CHDH: variants seen among roughly 807,000 people sequenced by gnomAD.
CHDH encodes the protein choline dehydrogenase, mitochondrial.
Under a neutral mutation model 56.9 loss-of-function variants are expected in CHDH, and 43 were observed. The ratio of observed to expected loss-of-function variants is 0.76; its 90% CI spans 0.59 to 0.97. CHDH has a LOEUF of 0.97. Ranked by LOEUF, CHDH falls within the 50% of genes least tolerant of loss-of-function variation. The pLI, the probability that CHDH is intolerant of heterozygous loss-of-function variation, is 0.00. For missense variants in CHDH, 816 were observed against 821.1 expected, an observed-to-expected ratio of 0.99 and a Z score of 0.08; for synonymous variants, 364 against 348.5, an observed-to-expected ratio of 1.04 and a Z score of -0.50.
In CHDH at chr3:53,822,636, C is replaced by A. The variant is rs763203785; in HGVS notation, c.710G>T (p.Arg237Leu). Reference sequence around the variant, plus strand: ...CAGGTAGGCACAGGCCGCGCTCCACCGTTTGCCTGCAGGATGGAGTGAGGT... The same window carrying A: ...CAGGTAGGCACAGGCCGCGCTCCACAGTTTGCCTGCAGGATGGAGTGAGGT... ...WMDMTIHEGK[R>L]WSAACAYLHP... Residue 237 changes from arginine to leucine, a missense_variant, in exon 4 of 9, where the codon CGG becomes CTG. Transcript: ENST00000315251. The A allele has an allele frequency of 6.2e-7, 1 of 1,607,592 alleles. No homozygotes were observed. The highest frequency in any genetic ancestry group is 1.1e-5 in the South Asian group (1 of 91,042).
intron 1 of CHDH, chr3:53,844,782 C>T (rs1698801096): frequency 6.6e-6 from 1 of 152,318 alleles, no homozygotes; most frequent in Non-Finnish European, 1.5e-5. Flanking sequence ...CTATTTTGCC[C>T]TGCAGAGCCA....
chr3:53,820,019 T>C (rs2095623199), intron 6 of CHDH, among the ~76,000 whole-genome samples: 2 of 152,320 alleles, frequency 1.3e-5, no homozygotes, highest in East Asian at 3.9e-4. Flanking sequence ...ACTGAGTGGA[T>C]GGGTAGGATT....
intron 1 of CHDH, among the ~76,000 whole-genome samples, chr3:53,843,188 C>CCCCTT (rs578127745): frequency 8.0e-6 from 1 of 125,186 alleles, no homozygotes; most frequent in Non-Finnish European, 1.6e-5. Flanking sequence ...CCCCCCCCAC[C>CCCCTT]TTTTTTTTTT....
intron 5 of CHDH, 150 bp from the exon 6 acceptor site, chr3:53,820,758 TC>T: frequency 9.9e-7 from 1 of 1,007,976 alleles, no homozygotes; most frequent in Non-Finnish European, 1.4e-6. Context: ...AAAGGCTGCC[TC>T]CCAGAGACAC....
intron 1 of CHDH, among the ~76,000 whole-genome samples, chr3:53,843,188 C>CCT (rs578127745): frequency 1.7e-4 from 21 of 125,180 alleles, no homozygotes; most frequent in South Asian, 8.0e-4. Context: ...CCCCCCCCAC[C>CCT]TTTTTTTTTT....
At chr3:53,821,926 G>A (rs962349090) in intron 4 of CHDH, 150 bp from the exon 5 acceptor site, 2 of 1,004,080 alleles carry the variant, frequency 2.0e-6, no homozygotes. Flanking sequence ...GAGCTAAGGA[G>A]AGGAAACTCA....
intron 1 of CHDH, among the ~76,000 whole-genome samples, chr3:53,842,637 G>A (rs1356040006): frequency 4.6e-5 from 7 of 152,228 alleles, no homozygotes; most frequent in Non-Finnish European, 1.0e-4. Context: ...GAACCAGGAG[G>A]AGTGGGATTA....
chr3:53,821,727 G>A lies in CHDH; in HGVS notation c.905C>T (p.Pro302Leu), dbSNP rs375478883. The A allele has an allele frequency of 3.1e-6, 5 of 1,614,060 alleles. No individual in the cohort carries two copies. In the African/African-American group the frequency reaches 4.0e-5, roughly 13 times the overall value. Residue 302 changes from proline to leucine, a missense_variant, in exon 5 of 9, where the codon CCA (proline) becomes CTA (leucine). Coordinates refer to ENST00000315251, the MANE Select transcript of CHDH (RefSeq NM_018397.5). ...GATGCCAGAGAGCATGAGCAGCTGTGGAGAGTTGATGGCACCTCCACTCAG... is the reference window on the plus strand; with the variant it reads ...GATGCCAGAGAGCATGAGCAGCTGTAGAGAGTTGATGGCACCTCCACTCAG... ...VILSGGAINS[P>L]QLLMLSGIGN...
chr3:53,835,113 G>C (rs944916975), intron 2 of CHDH, among the ~76,000 whole-genome samples: 9 of 152,176 alleles, frequency 5.9e-5, no homozygotes, highest in Admixed American at 5.2e-4. Flanking sequence ...TTAATCAAGA[G>C]AGTGCTCTGC....
chr3:53,828,162 G>C (rs977680120), intron 2 of CHDH, among the ~76,000 whole-genome samples: 5 of 145,144 alleles, frequency 3.4e-5, no homozygotes, highest in African/African-American at 1.3e-4. Context: ...GGAATAACTA[G>C]ACACACACAC....
At position 53,837,498 on chromosome 3, in the gene CHDH, G is replaced by A. The variant is rs144814221; in HGVS notation, c.-60+3431C>T. On this transcript the variant is annotated intron_variant, in intron 2 of 8. Coordinates refer to ENST00000315251, the MANE Select transcript of CHDH (RefSeq NM_018397.5). ...CTGACATCGCATCAGAGCTCTGCCA[G>A]GCCGCACCGTGTGACCCAGGGCAGG... Among the ~76,000 whole-genome samples, 907 of 152,366 alleles carry A rather than the reference G, an allele frequency of 6.0e-3. 13 individuals carry two copies. Among genetic ancestry groups the A allele is most frequent in the African/African-American group, 0.021 (867 of 41,584 alleles).
Position 53,818,084 on chromosome 3 carries a change from T to C in CHDH, c.1478A>G (p.Gln493Arg). 6.2e-7 allele frequency: 1 copy of C among 1,614,210 alleles called. No homozygotes were observed. The highest frequency in any genetic ancestry group is 8.5e-7 in the Non-Finnish European group (1 of 1,180,038). ...AAAGGCATCTATCTCTTTATCTGACTGAATGTGGCTTCCTGGCTGGAGCTC... is the reference window on the plus strand; with the variant it reads ...AAAGGCATCTATCTCTTTATCTGACCGAATGTGGCTTCCTGGCTGGAGCTC... ...GKELQPGSHI[Q>R]SDKEIDAFVR... The change falls in exon 9 of 9, where the codon CAG becomes CGG. Residue 493 changes from glutamine (Q) to arginine (R), a missense_variant. By Grantham distance (43) the Gln-to-Arg change is conservative. Transcript: ENST00000315251.
intron 2 of CHDH, among the ~76,000 whole-genome samples, chr3:53,833,357 A>G (rs1698397809): frequency 6.6e-6 from 1 of 152,124 alleles, no homozygotes; most frequent in African/African-American, 2.4e-5. Context: ...TCCCCACACA[A>G]GGGAGGGGCC....
At position 53,823,837 on chromosome 3, in the gene CHDH, T is replaced by A. The variant is rs758785924; in HGVS notation, c.172A>T (p.Arg58Trp). Residue 58 changes from arginine (R) to tryptophan (W), a missense_variant, in exon 3 of 9, where the codon AGG becomes TGG. Physicochemically the swap from Arg to Trp is moderately radical, Grantham distance 101 (BLOSUM62 -3). Coordinates refer to ENST00000315251, the MANE Select transcript of CHDH (RefSeq NM_018397.5). ...CGCTCGGCGGGGTCCTCCGTGAGCCTCCCAGCCAGCACGCAGCCCGCCGAG... is the reference window on the plus strand; with the variant it reads ...CGCTCGGCGGGGTCCTCCGTGAGCCACCCAGCCAGCACGCAGCCCGCCGAG... ...AGSAGCVLAG[R>W]LTEDPAERVL... The A allele has an allele frequency of 3.4e-5, 54 of 1,584,582 alleles. No homozygotes were observed. The highest frequency in any genetic ancestry group is 5.2e-5 in the Admixed American group (3 of 57,588).
intron 5 of CHDH, among the ~76,000 whole-genome samples, 159 bp downstream of exon 5, chr3:53,821,488 A>G (rs541572521): frequency 5.9e-5 from 9 of 152,190 alleles, no homozygotes; most frequent in Non-Finnish European, 1.2e-4. Context: ...GACAGTGTCC[A>G]GTGAGGCCTG....
rs4687588 is a variant in CHDH at position 53,816,183 on chromosome 3, G to A, written c.*1594C>T. ...AAGCCGCCCCAATCCTCTCAGATCC[G>A]AGCAAAGCCTGGAATCCCCCAATTT... is the stretch of plus-strand genomic sequence containing the variant. On this transcript the variant is annotated 3_prime_UTR_variant, in exon 9 of 9. Transcript: ENST00000315251. 4.1e-5 allele frequency: 5 copies of A among 121,786 alleles called. No homozygotes were observed. Among genetic ancestry groups the A allele is most frequent in the African/African-American group, 1.5e-4 (5 of 33,660 alleles). The allele number at this position is 121,786 out of a possible 1,614,324, so 7.5% of individuals were successfully genotyped here. A position where few individuals can be genotyped will look rare whatever the true frequency, so the allele number is the denominator to read the frequency against.
chr3:53,821,579 A>T, intron 5 of CHDH, 68 bp downstream of exon 5: 1 of 1,382,848 alleles, frequency 7.2e-7, no homozygotes, highest in Non-Finnish European at 1.0e-6. Flanking sequence ...CATGCTAATA[A>T]GATACATACA....
intron 2 of CHDH, among the ~76,000 whole-genome samples, chr3:53,833,888 C>G (rs1456385815): frequency 3.3e-5 from 5 of 152,180 alleles, no homozygotes; most frequent in Non-Finnish European, 7.3e-5. Context: ...CTGGGCAGCC[C>G]CACCAAGCCA....
At position 53,822,640 on chromosome 3, in the gene CHDH, T is replaced by G. The variant is rs1055777932; in HGVS notation, c.706A>C (p.Lys236Gln). Residue 236 changes from lysine (K) to glutamine (Q), a missense_variant and splice_region_variant, in exon 4 of 9, where the codon AAA becomes CAA. Transcript: ENST00000315251. ...TAGGCACAGGCCGCGCTCCACCGTT[T>G]GCCTGCAGGATGGAGTGAGGTGGTC... is the stretch of plus-strand genomic sequence containing the variant. ...GWMDMTIHEGKRWSAACAYLH... is the reference protein window; with the variant it reads ...GWMDMTIHEGQRWSAACAYLH... 3.7e-6 allele frequency: 6 copies of G among 1,607,554 alleles called. 1 individual carries two copies. The highest frequency in any genetic ancestry group is 8.5e-7 in the Non-Finnish European group (1 of 1,178,986).
Sources: gnomAD v4.1 joint callset for allele counts (sites outside exome capture counted in the v4.1 genomes callset) on GRCh38, gnomAD v4.1.1 for gene constraint, MANE v1.5 for transcripts, NCBI Gene and HGNC (gene_info 2026-07-23, HGNC 2026-07-21) for gene names.